The following MAPRE1 variants were observed in gnomAD, a reference collection of about 807,000 sequenced individuals.
The protein encoded by MAPRE1 is microtubule associated protein RP/EB family member 1, also known as microtubule-associated protein RP/EB family member 1.
A neutral mutation model predicts 32.1 loss-of-function variants in MAPRE1; 5 were observed. That is an observed-to-expected ratio of 0.16 (90% CI 0.08 to 0.33). The LOEUF (loss-of-function observed/expected upper bound fraction) is 0.33, where lower values mean the gene tolerates loss of function less well. Among genes scored for constraint, MAPRE1 ranks in the 10% least tolerant of loss-of-function variants. The pLI, the probability that MAPRE1 is intolerant of heterozygous loss-of-function variation, is 1.00. For missense variants in MAPRE1, 209 were observed against 327.2 expected (o/e 0.64, Z 2.79); for synonymous variants, 122 against 118.9 (o/e 1.03, Z -0.17).
intron 1 of MAPRE1, among the ~76,000 whole-genome samples, chr20:32,820,678 A>G (rs1982671767): frequency 6.6e-6 from 1 of 152,110 alleles, no homozygotes; most frequent in African/African-American, 2.4e-5. Flanking sequence ...TTTCCCGGGA[A>G]CAAAGATTTG....
In MAPRE1 at chr20:32,838,528, T is replaced by C. The variant is rs567276205; in HGVS notation, c.476-1207T>C. Among the ~76,000 whole-genome samples, 13 of 152,348 alleles carry C rather than the reference T, an allele frequency of 8.5e-5. No individual in the cohort carries two copies. The South Asian group carries it at 2.3e-3, about 27-fold the overall frequency. The stretch of plus-strand genomic sequence containing the variant: ...AAGAGTATATACTCTGGGAGCAGAA[T>C]TGCTAATTGCTGTGCCATGTGTTAA... On this transcript the variant is annotated intron_variant, in intron 4 of 6. Transcript: ENST00000375571.
In MAPRE1 at chr20:32,839,474, A is replaced by G. The variant is rs575201159; in HGVS notation, c.476-261A>G. Among the ~76,000 whole-genome samples the G allele has an allele frequency of 1.2e-4, 18 of 152,300 alleles. No individual in the cohort carries two copies. In the South Asian group the frequency reaches 3.7e-3, roughly 32 times the overall value. ...GGTAGTCCTGTTCACCGCAGTGGAG[A>G]AAAGACCTCACTGAAGGACTTATTC... On this transcript the variant is annotated intron_variant, in intron 4 of 6. Transcript: ENST00000375571.
chr20:32,824,087 G>T (rs12626016), intron 1 of MAPRE1, among the ~76,000 whole-genome samples: 4 of 152,092 alleles, frequency 2.6e-5, no homozygotes, highest in African/African-American at 9.7e-5. Context: ...CGTAAACCCC[G>T]TTGCATAAGT....
At position 32,847,827 on chromosome 20, in the gene MAPRE1, G is replaced by T. The variant is rs558488637; in HGVS notation, c.751-845G>T. On this transcript the variant is annotated intron_variant, in intron 6 of 6. Coordinates refer to ENST00000375571, the MANE Select transcript of MAPRE1 (RefSeq NM_012325.3). ...CAGAATGCCCTGTAGTGAGAATGAG[G>T]TGTGTGGGAGTCATGAATCTGCTTT... is the stretch of plus-strand genomic sequence containing the variant. Among the ~76,000 whole-genome samples the T allele has an allele frequency of 8.5e-5, 13 of 152,174 alleles. No homozygotes were observed. The South Asian group carries it at 1.4e-3, about 17-fold the overall frequency.
rs772229436 is a variant in MAPRE1 at position 32,833,837 on chromosome 20, G to C, written c.242G>C (p.Gly81Ala). ...CAGAACTTCAAAATACTACAAGCAG[G>C]TTTTAAGAGAATGGGTGTTGACAAA... ...YIQNFKILQA[G>A]FKRMGVDKII... is the part of the protein sequence containing the mutation. The change falls in exon 3 of 7, where the codon GGT becomes GCT. Residue 81 changes from glycine (G) to alanine (A), a missense_variant. Physicochemically the swap from Gly to Ala is moderately conservative, Grantham distance 60. This residue lies in a region of MAPRE1 where 67 missense variants were observed against 140.0 expected (regional missense o/e 0.48). Coordinates refer to ENST00000375571, the MANE Select transcript of MAPRE1 (RefSeq NM_012325.3). The C allele has an allele frequency of 7.4e-6, 12 of 1,613,694 alleles. No individual in the cohort carries two copies. The highest frequency in any genetic ancestry group is 1.0e-5 in the Non-Finnish European group (12 of 1,179,816).
At chr20:32,825,854 C>G in intron 1 of MAPRE1, 71 bp from the exon 2 acceptor site, 2 of 1,357,566 alleles carry the variant, frequency 1.5e-6, no homozygotes. Context: ...TGGTGACTCT[C>G]TAGGAAACAC....
intron 2 of MAPRE1, 55 bp from the exon 3 acceptor site, chr20:32,833,662 A>C: frequency 1.9e-6 from 3 of 1,543,540 alleles, no homozygotes; most frequent in Non-Finnish European, 2.7e-6. Context: ...TGGGTCTGGG[A>C]AGAAGTTCAC....
intron 1 of MAPRE1, among the ~76,000 whole-genome samples, chr20:32,820,720 A>G (rs112738604): frequency 0.012 from 1,872 of 152,236 alleles, 35 homozygotes; most frequent in African/African-American, 0.043. Flanking sequence ...GATGAGCAGG[A>G]GGACAGTATA....
At chr20:32,823,544 T>A (rs1439451208) in intron 1 of MAPRE1, among the ~76,000 whole-genome samples, 1 of 152,232 alleles carries the variant, frequency 6.6e-6, no homozygotes, top group Non-Finnish European at 1.5e-5. Context: ...CCCTCCCTAC[T>A]GTCTGTTCTC....
intron 2 of MAPRE1, among the ~76,000 whole-genome samples, chr20:32,832,807 CTTTTTTTTT>C (rs35277682): frequency 1.7e-5 from 1 of 58,748 alleles, no homozygotes; most frequent in Non-Finnish European, 2.9e-5. Flanking sequence ...CAGAGTTTCG[CTTTTTTTTT>C]TTTTTTTTTT....
At chr20:32,836,595 G>A (rs776602371) in intron 3 of MAPRE1, 39 bp from the exon 4 acceptor site, 17 of 1,241,276 alleles carry the variant, frequency 1.4e-5, no homozygotes, top group African/African-American at 3.0e-5. Flanking sequence ...CTTGCCAAAA[G>A]CCTCTTTTTT....
intron 1 of MAPRE1, 103 bp downstream of exon 1, chr20:32,820,131 C>G (rs1982645449): frequency 6.6e-6 from 1 of 151,326 alleles, no homozygotes; most frequent in Non-Finnish European, 1.5e-5. Context: ...CAGGGCCGTT[C>G]CACACGGCGG....
rs201075070 is a variant in MAPRE1, at chr20:32,846,813, G to A, written c.750+43G>A. 229 of 1,600,414 alleles carry A rather than the reference G, an allele frequency of 1.4e-4. No homozygotes were observed. The East Asian group carries it at 4.0e-3, about 28-fold the overall frequency. On this transcript the variant is annotated intron_variant, in intron 6 of 6. Transcript: ENST00000375571. ...GGATATTTTCTTTCCATTTTACATA[G>A]AAGGGTTGGTGAACTCTGTGCTGAT... is the stretch of plus-strand genomic sequence containing the variant.
In MAPRE1 at chr20:32,836,897, G is replaced by A. The variant is rs1983218109; in HGVS notation, c.475+56G>A. 4 of 1,483,326 alleles carry A rather than the reference G, an allele frequency of 2.7e-6. No individual in the cohort carries two copies. In the South Asian group the frequency reaches 3.8e-5, roughly 14 times the overall value. The allele number at this position is 1,483,326 out of a possible 1,614,324, so 91.9% of individuals were successfully genotyped here. A position where few individuals can be genotyped will look rare whatever the true frequency, so the allele number is the denominator to read the frequency against. ...AAATAGCGTTCCAGATATTCATTCA[G>A]CGTTCAACTAGAATTTTTTTCAGTA... On this transcript the variant is annotated intron_variant, in intron 4 of 6. Transcript: ENST00000375571.
intron 2 of MAPRE1, among the ~76,000 whole-genome samples, chr20:32,827,909 T>A (rs980276897): frequency 5.5e-5 from 8 of 144,856 alleles, no homozygotes; most frequent in Non-Finnish European, 1.1e-4. Context: ...AAAAAAAAAA[T>A]TTATTGCCGT....
In MAPRE1 at chr20:32,848,953, A is replaced by G. The variant is rs1482331069; in HGVS notation, c.*225A>G. 4 of 371,370 alleles carry G rather than the reference A, an allele frequency of 1.1e-5. No individual in the cohort carries two copies. Among genetic ancestry groups the G allele is most frequent in the Non-Finnish European group, 1.9e-5 (4 of 206,398 alleles). 23.0% of individuals were successfully genotyped at this position (371,370 alleles called of 1,614,324 possible). A position where few individuals can be genotyped will look rare whatever the true frequency, so the allele number is the denominator to read the frequency against. On this transcript the variant is annotated 3_prime_UTR_variant, in exon 7 of 7. Transcript: ENST00000375571. ...AGCAGTATTAACACCTAGTTGGTTC[A>G]CCTGGAAAACAGAGAGGCTGACCGT... is the stretch of plus-strand genomic sequence containing the variant.
chr20:32,831,258 A>G (rs956686338), intron 2 of MAPRE1, among the ~76,000 whole-genome samples: 3 of 152,164 alleles, frequency 2.0e-5, no homozygotes, highest in Non-Finnish European at 4.4e-5. Context: ...AGCCTGGGCA[A>G]CATGACAAAA....
chr20:32,845,129 C>A (rs774605285), intron 5 of MAPRE1, among the ~76,000 whole-genome samples: 1 of 152,196 alleles, frequency 6.6e-6, no homozygotes, highest in Non-Finnish European at 1.5e-5. Flanking sequence ...CAGCCTTGAA[C>A]TCCTGGGCTC....
chr20:32,825,827 TC>T, intron 1 of MAPRE1, 97 bp from the exon 2 acceptor site: 2 of 843,946 alleles, frequency 2.4e-6, no homozygotes, highest in Non-Finnish European at 3.6e-6. Context: ...AATTGAGTGT[TC>T]CTACAGGTTT....
Sources: gnomAD v4.1 joint callset for allele counts (sites outside exome capture counted in the v4.1 genomes callset) on GRCh38, gnomAD v4.1.1 for gene constraint, gnomAD v4.1.1 regional missense constraint, MANE v1.5 for transcripts, NCBI Gene and HGNC (gene_info 2026-07-23, HGNC 2026-07-21) for gene names.